Variants in CISTR observed in about 807,000 individuals in gnomAD.
The protein encoded by CISTR is chondrogenic regulator lncRNA.
chr12:53,748,258 G>A (rs994422702), intron 2 of CISTR, among the ~76,000 whole-genome samples: 1 of 152,202 alleles, frequency 6.6e-6, no homozygotes, highest in Non-Finnish European at 1.5e-5. Context: ...CCACACAAAG[G>A]GCCGCCCGCC....
chr12:53,746,422 G>A (rs1337319109), exon 3 of CISTR, among the ~76,000 whole-genome samples: 4 of 152,148 alleles, frequency 2.6e-5, no homozygotes, highest in African/African-American at 7.2e-5. Context: ...CCAAGAAGTC[G>A]TGGGTTCTAG....
At chr12:53,752,584 G>A (rs895952873) in intron 1 of CISTR, among the ~76,000 whole-genome samples, 7 of 152,180 alleles carry the variant, frequency 4.6e-5, no homozygotes, top group African/African-American at 1.7e-4. Context: ...TAGTCTATTA[G>A]CTCTTCCCTT....
chr12:53,748,984 T>A (rs1018311985), intron 2 of CISTR, among the ~76,000 whole-genome samples: 2 of 151,380 alleles, frequency 1.3e-5, no homozygotes, highest in African/African-American at 4.9e-5. Flanking sequence ...TGTGTGTGTG[T>A]TGTGTGTGTG....
At chr12:53,747,466 GAGAGGA>G (rs1379172303) in intron 2 of CISTR, among the ~76,000 whole-genome samples, 8 of 152,262 alleles carry the variant, frequency 5.3e-5, no homozygotes, top group East Asian at 1.9e-4. Flanking sequence ...GCAAGGGAGG[GAGAGGA>G]AGAGGAAGAG....
Position 53,756,747 on chromosome 12 carries a change from T to TGA in CISTR, n.414+66_414+67insTC, listed in dbSNP as rs1655229610. On this transcript the variant is annotated intron_variant and non_coding_transcript_variant, in intron 1 of 2. Coordinates refer to ENST00000669269, the Ensembl canonical transcript of CISTR. The surrounding 1 kb of genome is among the most constrained non-coding windows in gnomAD (Gnocchi z 4.0). ...AGTGATGTGTGTGTGTGTGTGTGTG[T>TGA]GTGTACTGGGGAGGGGGGATGAGAT... 1 of 150,402 alleles carries TGA rather than the reference T, an allele frequency of 6.6e-6. No individual in the cohort carries two copies. Among genetic ancestry groups the TGA allele is most frequent in the South Asian group, 2.1e-4 (1 of 4,730 alleles). The allele number at this position is 150,402 out of a possible 1,614,324, so 9.3% of individuals were successfully genotyped here. A position where few individuals can be genotyped will look rare whatever the true frequency, so the allele number is the denominator to read the frequency against.
rs1431534060 is a variant in CISTR at position 53,756,987 on chromosome 12, A to G, written n.241T>C. The G allele has an allele frequency of 6.6e-6, 1 of 152,252 alleles. No homozygotes were observed. Among genetic ancestry groups the G allele is most frequent in the East Asian group, 1.9e-4 (1 of 5,142 alleles). 9.4% of individuals were successfully genotyped at this position (152,252 alleles called of 1,614,324 possible). On this transcript the variant is annotated non_coding_transcript_exon_variant, in exon 1 of 3. Transcript: ENST00000669269. The surrounding 1 kb of genome is among the most constrained non-coding windows in gnomAD (Gnocchi z 4.0). Reference sequence around the variant, plus strand: ...GTGGCCCTTGGAAACTATTAGCCCAACATCTCTTCTTCCCCTCTCCACAGT... The same window carrying G: ...GTGGCCCTTGGAAACTATTAGCCCAGCATCTCTTCTTCCCCTCTCCACAGT...
intron 1 of CISTR, among the ~76,000 whole-genome samples, chr12:53,755,005 C>T (rs1172945799): frequency 6.6e-6 from 1 of 152,118 alleles, no homozygotes; most frequent in Non-Finnish European, 1.5e-5. Context: ...TAGGGTGCGT[C>T]CAAATAATGG....
intron 2 of CISTR, among the ~76,000 whole-genome samples, chr12:53,749,303 TG>T (rs1937818535): frequency 6.6e-6 from 1 of 151,762 alleles, no homozygotes; most frequent in African/African-American, 2.4e-5. Flanking sequence ...TGTGTGTGTG[TG>T]TGTGTATATA....
At chr12:53,749,762 T>C (rs1937825917) in intron 2 of CISTR, among the ~76,000 whole-genome samples, 1 of 151,790 alleles carries the variant, frequency 6.6e-6, no homozygotes, top group Admixed American at 6.6e-5. Flanking sequence ...GTAGATCTAA[T>C]TTTTGAAAAC....
chr12:53,755,308 G>GGTGTGTGTGT lies in CISTR; in HGVS notation n.414+1496_414+1505dup, dbSNP rs3058893. On this transcript the variant is annotated intron_variant and non_coding_transcript_variant, in intron 1 of 2. Transcript: ENST00000669269. ...AGACGGCTTTCCTTTTCCTGTTTGGGGTGTGTGTGTGTGTGTGTGTGTGTG... is the reference window on the plus strand; with the variant it reads ...AGACGGCTTTCCTTTTCCTGTTTGGGGTGTGTGTGTGTGTGTGTGTGTGTGTGTGTGTGTG... 6.9e-3 allele frequency among the ~76,000 whole-genome samples: 1,020 copies of GGTGTGTGTGT among 147,234 alleles called. 4 individuals are homozygous for GGTGTGTGTGT. The highest frequency in any genetic ancestry group is 0.011 in the Admixed American group (170 of 14,820).
chr12:53,755,309 GT>G (rs1314418239), intron 1 of CISTR, among the ~76,000 whole-genome samples: 10 of 23,592 alleles, frequency 4.2e-4, no homozygotes, highest in African/African-American at 1.6e-3. Flanking sequence ...CCTGTTTGGG[GT>G]GTGTGTGTGT....
At chr12:53,747,402 G>C (rs1193015751) in intron 2 of CISTR, among the ~76,000 whole-genome samples, 2 of 152,158 alleles carry the variant, frequency 1.3e-5, no homozygotes, top group African/African-American at 4.8e-5. Context: ...ATGCTCATTA[G>C]TGATTGCCTG....
intron 2 of CISTR, among the ~76,000 whole-genome samples, chr12:53,749,451 C>T (rs1393997154): frequency 6.6e-6 from 1 of 151,876 alleles, no homozygotes; most frequent in African/African-American, 2.4e-5. Flanking sequence ...ACCTATCTAC[C>T]TGGAGATGCT....
chr12:53,755,035 T>G (rs1032462388), intron 1 of CISTR, among the ~76,000 whole-genome samples: 2 of 152,160 alleles, frequency 1.3e-5, no homozygotes, highest in African/African-American at 4.8e-5. Flanking sequence ...GCAGAGAGGT[T>G]AAGATAAAAC....
intron 1 of CISTR, among the ~76,000 whole-genome samples, chr12:53,752,054 G>A (rs1015103073): frequency 6.6e-6 from 1 of 151,946 alleles, no homozygotes; most frequent in Non-Finnish European, 1.5e-5. Flanking sequence ...CCCGGATGCC[G>A]AGCGTGGTAG....
chr12:53,756,263 A>T lies in CISTR; in HGVS notation n.414+551T>A, dbSNP rs1937913508. 6.6e-6 allele frequency among the ~76,000 whole-genome samples: 1 copy of T among 152,138 alleles called. No individual in the cohort carries two copies. Among genetic ancestry groups the T allele is most frequent in the Non-Finnish European group, 1.5e-5 (1 of 68,024 alleles). ...CTCGAGGTAAGTTCTTTGGGGATGA[A>T]GCACCTGATAAATGAGGACCTGGAA... On this transcript the variant is annotated intron_variant and non_coding_transcript_variant, in intron 1 of 2. Transcript: ENST00000669269. The surrounding 1 kb of genome is among the most constrained non-coding windows in gnomAD (Gnocchi z 4.0).
chr12:53,755,946 G>C (rs1937909771), intron 1 of CISTR: 2 of 152,270 alleles, frequency 1.3e-5, no homozygotes, highest in South Asian at 4.1e-4. Context: ...CTGTTTTGGA[G>C]AGAGGGGCTC....
At chr12:53,753,002 A>G (rs570282057) in intron 1 of CISTR, among the ~76,000 whole-genome samples, 6 of 151,708 alleles carry the variant, frequency 4.0e-5, no homozygotes, top group Non-Finnish European at 8.8e-5. Flanking sequence ...CCAAGGCAGG[A>G]ACCAGACTCC....
intron 2 of CISTR, among the ~76,000 whole-genome samples, chr12:53,748,967 G>A (rs1200792291): frequency 6.6e-6 from 1 of 152,090 alleles, no homozygotes; most frequent in Non-Finnish European, 1.5e-5. Flanking sequence ...GTGTGAGTGT[G>A]TATGGGTGTG....
Sources: gnomAD v4.1 joint callset for allele counts (sites outside exome capture counted in the v4.1 genomes callset) on GRCh38, gnomAD v4.1.1 for gene constraint, Gnocchi (gnomAD v3.1) non-coding constraint, MANE v1.5 for transcripts, NCBI Gene and HGNC (gene_info 2026-07-23, HGNC 2026-07-21) for gene names.